The following VWF variants were observed in gnomAD, a reference collection of about 807,000 sequenced individuals.
VWF encodes Factor VIII related antigen.
In VWF, 176 loss-of-function variants were observed where a neutral mutation model predicts 308.6. That is an observed-to-expected ratio of 0.57 (90% CI 0.50 to 0.65). The LOEUF (loss-of-function observed/expected upper bound fraction) is 0.65. Ranked by LOEUF, VWF falls within the 30% of genes least tolerant of loss-of-function variation. VWF has a pLI of 0.00. For synonymous variants in VWF, 1,385 were observed against 1,443.4 expected, an observed-to-expected ratio of 0.96 and a Z score of 0.92; for missense variants, 3,146 against 3,648.2, an observed-to-expected ratio of 0.86 and a Z score of 3.55.
Position 6,019,144 on chromosome 12 carries a change from A to C in VWF, c.4274T>G (p.Ile1425Ser). ...AGGGGCCTGCTTCTCGATGAGGCGG[A>C]TCTGCTTGAGGTTGGCATGGGGCCC... ...GIGPHANLKQ[I>S]RLIEKQAPEN... Residue 1425 changes from isoleucine to serine, a missense_variant, in exon 28 of 52, where the codon ATC (isoleucine) becomes AGC (serine). By Grantham distance (142) the Ile-to-Ser change is moderately radical. Coordinates refer to ENST00000261405, the MANE Select transcript of VWF (RefSeq NM_000552.5). The surrounding 1 kb of genome is among the most constrained non-coding windows in gnomAD (Gnocchi z 5.8). The C allele has an allele frequency of 6.2e-7, 1 of 1,613,806 alleles. No individual in the cohort carries two copies. Among genetic ancestry groups the C allele is most frequent in the Non-Finnish European group, 8.5e-7 (1 of 1,179,824 alleles).
intron 34 of VWF, among the ~76,000 whole-genome samples, chr12:5,997,519 G>A (rs1488684090): frequency 1.3e-5 from 2 of 152,178 alleles, no homozygotes; most frequent in Non-Finnish European, 2.9e-5. Context: ...CCTTGGATCA[G>A]TTACTTAACT....
chr12:6,101,359 T>C (rs570764144), intron 5 of VWF, among the ~76,000 whole-genome samples: 43 of 151,466 alleles, frequency 2.8e-4, no homozygotes, highest in African/African-American at 9.9e-4. Context: ...ACACAATCAA[T>C]TCTCACCAAC....
intron 34 of VWF, among the ~76,000 whole-genome samples, chr12:6,004,391 A>G (rs898672822): frequency 2.0e-5 from 3 of 152,122 alleles, no homozygotes; most frequent in Non-Finnish European, 2.9e-5. Context: ...ACTCTTGACA[A>G]AAAAACACTC....
intron 47 of VWF, among the ~76,000 whole-genome samples, chr12:5,965,129 C>G (rs190310351): frequency 6.6e-6 from 1 of 152,276 alleles, no homozygotes; most frequent in East Asian, 1.9e-4. Flanking sequence ...TGGGTTTTCC[C>G]CAGAACATTT....
chr12:6,093,100 C>G (rs1945068677), intron 6 of VWF, among the ~76,000 whole-genome samples: 2 of 152,098 alleles, frequency 1.3e-5, no homozygotes, highest in Non-Finnish European at 1.5e-5. Flanking sequence ...GTTTATGAAC[C>G]TTGTGATTCT....
At chr12:6,108,850 G>A (rs557202514) in intron 5 of VWF, among the ~76,000 whole-genome samples, 66 of 151,898 alleles carry the variant, frequency 4.3e-4, no homozygotes, top group Non-Finnish European at 8.1e-4. Context: ...GCATGGTGGC[G>A]GGTGCCTGTA....
At chr12:6,068,830 T>TGCGTGTGTGTGTG (rs1280885022) in intron 10 of VWF, among the ~76,000 whole-genome samples, 1 of 121,992 alleles carries the variant, frequency 8.2e-6, no homozygotes, top group African/African-American at 4.2e-5. Flanking sequence ...TTTTTTTTTT[T>TGCGTGTGTGTGTG]TTTGCGTGTG....
chr12:6,092,997 G>A (rs1046004406), intron 6 of VWF, among the ~76,000 whole-genome samples: 1 of 151,862 alleles, frequency 6.6e-6, no homozygotes, highest in Admixed American at 6.6e-5. Context: ...TGAAGTGCCT[G>A]CTTTCAGTTT....
intron 3 of VWF, among the ~76,000 whole-genome samples, chr12:6,112,819 GACAC>G: frequency 7.1e-6 from 1 of 141,172 alleles, no homozygotes; most frequent in Non-Finnish European, 1.5e-5. Context: ...CACACACACA[GACAC>G]ACAGACACAC....
At chr12:6,069,855 A>G (rs781042373) in intron 10 of VWF, among the ~76,000 whole-genome samples, 11 of 152,206 alleles carry the variant, frequency 7.2e-5, no homozygotes, top group Non-Finnish European at 1.6e-4. Context: ...TGCCCCAGAA[A>G]ACAGTCCATC....
Position 6,075,135 on chromosome 12 carries a change from G to A in VWF, c.874+200C>T, listed in dbSNP as rs868641222. Among the ~76,000 whole-genome samples, 5 of 152,078 alleles carry A rather than the reference G, an allele frequency of 3.3e-5. No homozygotes were observed. The South Asian group carries it at 6.2e-4, about 19-fold the overall frequency. On this transcript the variant is annotated intron_variant, in intron 7 of 51. Coordinates refer to ENST00000261405, the MANE Select transcript of VWF (RefSeq NM_000552.5). This position sits in a 1 kb window ranked among gnomAD's most constrained non-coding sequence, Gnocchi z 4.7. Reference sequence around the variant, plus strand: ...CGGGACGGAGGCAGGGGCAGGACACGGGGCTTTGGGAAGCCCGTTTGACAG... The same window carrying A: ...CGGGACGGAGGCAGGGGCAGGACACAGGGCTTTGGGAAGCCCGTTTGACAG...
chr12:6,004,458 CGT>C (rs1435050987), intron 34 of VWF, among the ~76,000 whole-genome samples: 3 of 151,758 alleles, frequency 2.0e-5, no homozygotes, highest in Admixed American at 6.6e-5. Context: ...TGTGTGTGCA[CGT>C]GTGTGTGTGC....
At position 6,016,589 on chromosome 12, in the gene VWF, G is replaced by A. The variant is rs755353703; in HGVS notation, c.5238C>T (p.Asn1746=). 1.9e-5 allele frequency: 30 copies of A among 1,614,052 alleles called. No homozygotes were observed. The highest frequency in any genetic ancestry group is 5.5e-5 in the South Asian group (5 of 91,084). The change falls in exon 30 of 52, where the codon AAC becomes AAT. Residue 1746 remains asparagine (N), a synonymous_variant. Coordinates refer to ENST00000261405, the MANE Select transcript of VWF (RefSeq NM_000552.5). ...GSITTIDVPW[N]VVPEKAHLLS... The stretch of plus-strand genomic sequence containing the variant: ...GCAAATGGGCTTTCTCCGGGACCAC[G>A]TTCCATGGCACGTCAATGGTGGTGA...
chr12:6,069,708 G>C (rs1045455947), intron 10 of VWF, among the ~76,000 whole-genome samples: 2 of 152,156 alleles, frequency 1.3e-5, no homozygotes, highest in Non-Finnish European at 2.9e-5. Flanking sequence ...TAGTGGTTTT[G>C]TTGGCAAAAT....
At chr12:6,064,173 C>A (rs1944685976) in intron 12 of VWF, 73 bp downstream of exon 12, 1 of 1,610,838 alleles carries the variant, frequency 6.2e-7, no homozygotes, top group Admixed American at 1.7e-5. Flanking sequence ...GGACAGTGGC[C>A]AGGGTTGAGA....
chr12:5,991,256 C>T (rs768816204), intron 38 of VWF, among the ~76,000 whole-genome samples: 1 of 151,890 alleles, frequency 6.6e-6, no homozygotes, highest in Non-Finnish European at 1.5e-5. Flanking sequence ...AACAAAAACT[C>T]TCTTAAATAT....
chr12:6,065,956 C>A (rs1248016755), intron 10 of VWF, among the ~76,000 whole-genome samples: 1 of 152,224 alleles, frequency 6.6e-6, no homozygotes, highest in African/African-American at 2.4e-5. Context: ...CCAGCCAGGG[C>A]CAATGGGGAA....
intron 32 of VWF, 141 bp downstream of exon 32, chr12:6,013,340 G>A (rs531601571): frequency 9.5e-7 from 1 of 1,050,662 alleles, no homozygotes; most frequent in African/African-American, 1.6e-5. Flanking sequence ...TAAAGGTCCT[G>A]GTCTATATAA....
intron 50 of VWF, among the ~76,000 whole-genome samples, chr12:5,951,202 C>A (rs139172177): frequency 7.9e-5 from 12 of 152,246 alleles, no homozygotes; most frequent in African/African-American, 2.9e-4. Flanking sequence ...GGGAAGAACA[C>A]TGTCTGATGT....
Sources: allele counts gnomAD v4.1 joint callset (sites outside exome capture counted in the v4.1 genomes callset), GRCh38; gene constraint gnomAD v4.1.1; non-coding constraint Gnocchi (gnomAD v3.1); transcripts MANE v1.5; gene names NCBI Gene and HGNC (gene_info 2026-07-23, HGNC 2026-07-21).